The following UXS1 variants were observed in gnomAD, a reference collection of about 807,000 sequenced individuals.
UXS1 encodes the protein UDP-glucuronate decarboxylase 1.
Under a neutral mutation model 62.6 loss-of-function variants are expected in UXS1, and 33 were observed. The ratio of observed to expected loss-of-function variants is 0.53; its 90% CI spans 0.40 to 0.70. The LOEUF is 0.70. UXS1 is among the 30% of genes least tolerant of loss of function. UXS1 has a pLI of 0.00. For synonymous variants in UXS1, 213 were observed against 206.8 expected (o/e 1.03, Z -0.26); for missense variants, 434 against 556.3 (o/e 0.78, Z 2.21).
chr2:106,130,479 C>T (rs1431510277), intron 6 of UXS1, among the ~76,000 whole-genome samples: 1 of 152,224 alleles, frequency 6.6e-6, no homozygotes, highest in Non-Finnish European at 1.5e-5. Context: ...GAATGCCATC[C>T]TTCCAGACAA....
rs928334086 is a variant in UXS1 at position 106,178,516 on chromosome 2, A to G, written c.95-12433T>C. The stretch of plus-strand genomic sequence containing the variant: ...TAAGTATGTGTATGTATACATATAC[A>G]AGTCTATGTATATGTATGTGTCTGT... On this transcript the variant is annotated intron_variant, in intron 1 of 14. Transcript: ENST00000283148. Among the ~76,000 whole-genome samples the G allele has an allele frequency of 2.5e-3, 15 of 5,994 alleles. No individual in the cohort carries two copies. The Non-Finnish European group carries it at 0.054, about 21-fold the overall frequency. The allele number at this position is 5,994 out of a possible 152,430, so 3.9% of individuals were successfully genotyped here. A position where few individuals can be genotyped will look rare whatever the true frequency, so the allele number is the denominator to read the frequency against.
chr2:106,119,019 G>A (rs1174623497), intron 9 of UXS1, among the ~76,000 whole-genome samples: 1 of 152,200 alleles, frequency 6.6e-6, no homozygotes, highest in African/African-American at 2.4e-5. Flanking sequence ...TCTCCAGATA[G>A]CATAAATCCT....
chr2:106,181,592 G>A (rs529042879), intron 1 of UXS1, among the ~76,000 whole-genome samples: 13 of 152,078 alleles, frequency 8.5e-5, no homozygotes, highest in South Asian at 2.1e-4. Flanking sequence ...GGTGGCGTGC[G>A]CCTGTAGTCT....
chr2:106,123,460 G>A (rs1236377493), intron 8 of UXS1, among the ~76,000 whole-genome samples: 1 of 152,196 alleles, frequency 6.6e-6, no homozygotes, highest in African/African-American at 2.4e-5. Flanking sequence ...GATAACTGGA[G>A]CAAATCATGT....
intron 1 of UXS1, 132 bp from the exon 2 acceptor site, chr2:106,166,215 G>T: frequency 1.2e-6 from 1 of 807,842 alleles, no homozygotes; most frequent in Non-Finnish European, 1.9e-6. Flanking sequence ...ACAACAAAAT[G>T]CATACTTTGT....
intron 1 of UXS1, among the ~76,000 whole-genome samples, chr2:106,177,977 C>T (rs1683996758): frequency 6.6e-6 from 1 of 152,256 alleles, no homozygotes; most frequent in Admixed American, 6.5e-5. Flanking sequence ...CCTCTGAAGA[C>T]ATTCCACATT....
intron 1 of UXS1, among the ~76,000 whole-genome samples, chr2:106,166,630 C>T (rs1683228572): frequency 6.7e-6 from 1 of 148,584 alleles, no homozygotes; most frequent in Admixed American, 6.7e-5. Flanking sequence ...AGCTGTTTTT[C>T]TTTTCTATCT....
At position 106,153,757 on chromosome 2, in the gene UXS1, A is replaced by G. The variant is rs1050817197; in HGVS notation, c.291+4301T>C. Reference sequence around the variant, plus strand: ...AGGTGTTGGATATAACAAAGACACCAAAGCAACCACTGTAAATATTAGGTT... The same window carrying G: ...AGGTGTTGGATATAACAAAGACACCGAAGCAACCACTGTAAATATTAGGTT... On this transcript the variant is annotated intron_variant, in intron 5 of 14. Coordinates refer to ENST00000283148, the MANE Select transcript of UXS1 (RefSeq NM_001253875.2). 1.1e-4 allele frequency among the ~76,000 whole-genome samples: 17 copies of G among 152,362 alleles called. No individual in the cohort carries two copies. The South Asian group carries it at 3.5e-3, about 32-fold the overall frequency.
intron 1 of UXS1, among the ~76,000 whole-genome samples, chr2:106,191,872 T>TA (rs1209747818): frequency 6.6e-6 from 1 of 152,234 alleles, no homozygotes; most frequent in Non-Finnish European, 1.5e-5. Context: ...ATGCATTCCT[T>TA]TTCCTCACAC....
chr2:106,116,770 A>T (rs1015625357), intron 9 of UXS1, among the ~76,000 whole-genome samples: 3 of 152,178 alleles, frequency 2.0e-5, no homozygotes, highest in Non-Finnish European at 4.4e-5. Context: ...GGAAAACACT[A>T]AGAAGTTCCT....
chr2:106,167,851 T>C (rs1018232184), intron 1 of UXS1, among the ~76,000 whole-genome samples: 5 of 152,116 alleles, frequency 3.3e-5, no homozygotes, highest in Non-Finnish European at 7.4e-5. Context: ...CAGGATGAGA[T>C]AGGAAGTCAC....
At chr2:106,131,145 G>A (rs975980734) in intron 6 of UXS1, among the ~76,000 whole-genome samples, 14 of 148,590 alleles carry the variant, frequency 9.4e-5, no homozygotes, top group East Asian at 2.0e-4. Context: ...AAGGGGTGAC[G>A]GACGCACCTG....
intron 6 of UXS1, among the ~76,000 whole-genome samples, chr2:106,139,864 T>C (rs994385230): frequency 2.0e-5 from 3 of 152,188 alleles, no homozygotes; most frequent in South Asian, 2.1e-4. Context: ...CGCGATTATT[T>C]AGCACATACT....
chr2:106,117,030 C>CT (rs1469948719), intron 9 of UXS1, among the ~76,000 whole-genome samples: 1 of 152,190 alleles, frequency 6.6e-6, no homozygotes, highest in Non-Finnish European at 1.5e-5. Flanking sequence ...GCTGGGGCTA[C>CT]TGTCTGCACG....
intron 9 of UXS1, among the ~76,000 whole-genome samples, chr2:106,115,900 G>A (rs911344128): frequency 6.6e-6 from 1 of 152,204 alleles, no homozygotes; most frequent in Non-Finnish European, 1.5e-5. Flanking sequence ...AAGTGACAGT[G>A]ACCACGTGTG....
chr2:106,144,860 G>A (rs1314464884), intron 6 of UXS1, among the ~76,000 whole-genome samples: 1 of 152,136 alleles, frequency 6.6e-6, no homozygotes, highest in Middle Eastern at 3.2e-3. Flanking sequence ...TACCATCACT[G>A]TGGGGCTTGG....
chr2:106,177,284 C>T lies in UXS1; in HGVS notation c.95-11201G>A, dbSNP rs890319202. Among the ~76,000 whole-genome samples, 14 of 146,280 alleles carry T rather than the reference C, an allele frequency of 9.6e-5. No individual in the cohort carries two copies. The East Asian group carries it at 1.6e-3, about 17-fold the overall frequency. The stretch of plus-strand genomic sequence containing the variant: ...GATCTTGGCTCACTGTAACCTTTGC[C>T]GCCCGGGTTCAAGCGATTCTCCTGT... On this transcript the variant is annotated intron_variant, in intron 1 of 14. Coordinates refer to ENST00000283148, the MANE Select transcript of UXS1 (RefSeq NM_001253875.2).
At chr2:106,183,231 A>T (rs1367896502) in intron 1 of UXS1, among the ~76,000 whole-genome samples, 1 of 90,450 alleles carries the variant, frequency 1.1e-5, no homozygotes, top group Non-Finnish European at 2.2e-5. Flanking sequence ...TGCCTGCTCA[A>T]GTCTTTTTTA....
intron 13 of UXS1, chr2:106,097,448 T>A (rs977787459): frequency 2.9e-6 from 1 of 347,622 alleles, no homozygotes; most frequent in African/African-American, 2.1e-5. Context: ...TGCCTCCGTG[T>A]CATGGAGGCC....
Sources: allele counts gnomAD v4.1 joint callset (sites outside exome capture counted in the v4.1 genomes callset), GRCh38; gene constraint gnomAD v4.1.1; transcripts MANE v1.5; gene names NCBI Gene and HGNC (gene_info 2026-07-23, HGNC 2026-07-21).